Variants in RHBDF1 observed in about 807,000 individuals in gnomAD.
RHBDF1 encodes the protein rhomboid 5 homolog 1.
RHBDF1 carries 80 observed loss-of-function variants against 98.6 expected under a neutral mutation model. That is an observed-to-expected ratio of 0.81 (90% CI 0.68 to 0.98). The LOEUF (loss-of-function observed/expected upper bound fraction) is 0.98, where lower values mean the gene tolerates loss of function less well. Ranked by LOEUF, RHBDF1 falls within the 50% of genes least tolerant of loss-of-function variation. RHBDF1 has a pLI of 0.00. For synonymous variants in RHBDF1, 512 were observed against 486.8 expected (o/e 1.05, Z -0.68); for missense variants, 1,116 against 1,198.3 (o/e 0.93, Z 1.01).
In RHBDF1 at chr16:61,037, G is replaced by C; in HGVS notation, c.1557+83C>G. The C allele has an allele frequency of 2.1e-6, 3 of 1,421,388 alleles. No individual in the cohort carries two copies. In the South Asian group the frequency reaches 4.0e-5, roughly 19 times the overall value. 88.0% of individuals were successfully genotyped at this position (1,421,388 alleles called of 1,614,324 possible). On this transcript the variant is annotated intron_variant, in intron 11 of 17. Coordinates refer to ENST00000262316, the MANE Select transcript of RHBDF1 (RefSeq NM_022450.5). ...GGGATGTGCCAGGAACGAGGGCGAA[G>C]GATCACTCTGCCGAGTCTATCTGAG...
chr16:71,996 C>G (rs1897982672), intron 1 of RHBDF1, among the ~76,000 whole-genome samples: 1 of 151,890 alleles, frequency 6.6e-6, no homozygotes, highest in African/African-American at 2.4e-5. Context: ...CCACCCCCAG[C>G]TCCACGGCTC....
Position 61,941 on chromosome 16 carries a change from A to G in RHBDF1, c.1065T>C (p.Arg355=), listed in dbSNP as rs1330466192. The change falls in exon 8 of 18, where the codon CGT becomes CGC. Residue 355 remains arginine (R), a synonymous_variant. Transcript: ENST00000262316. ...AGAGCTTGCGCACCGGCACCGCGAT[A>G]CGCTGGCCCCGTCGCGGCCCCGCGG... The part of the protein sequence containing the change: ...VSTAGPRRGQ[R]IAVPVRKLFA... The G allele has an allele frequency of 1.3e-6, 2 of 1,598,264 alleles. No homozygotes were observed. The highest frequency in any genetic ancestry group is 1.7e-5 in the Admixed American group (1 of 59,900).
chr16:65,435 G>C (rs77273987), intron 1 of RHBDF1, among the ~76,000 whole-genome samples: 2 of 152,316 alleles, frequency 1.3e-5, no homozygotes, highest in South Asian at 2.1e-4. Flanking sequence ...TGATGGGAGC[G>C]GGGGAAGCAA....
upstream of RHBDF1, among the ~76,000 whole-genome samples, chr16:72,971 G>C (rs1247126071): frequency 6.6e-6 from 1 of 152,120 alleles, no homozygotes; most frequent in Non-Finnish European, 1.5e-5. Flanking sequence ...GTAAAGGGCG[G>C]AGGATGGGTG....
chr16:72,943 AG>A (rs1187691346), upstream of RHBDF1, among the ~76,000 whole-genome samples: 1 of 152,068 alleles, frequency 6.6e-6, no homozygotes, highest in Non-Finnish European at 1.5e-5. Context: ...GAGGGTGAGG[AG>A]GGAGAGCAGG....
chr16:64,171 C>G lies in RHBDF1; in HGVS notation c.249-371G>C. 1.4e-5 allele frequency: 15 copies of G among 1,058,276 alleles called. No individual in the cohort carries two copies. The South Asian group carries it at 2.0e-4, about 14-fold the overall frequency. The allele number at this position is 1,058,276 out of a possible 1,614,324, so 65.6% of individuals were successfully genotyped here. On this transcript the variant is annotated intron_variant, in intron 3 of 17. Coordinates refer to ENST00000262316, the MANE Select transcript of RHBDF1 (RefSeq NM_022450.5). ...GCTCAGACAGCAGGTGCTTACGGGC[C>G]CAGGCAGGCTGTCCACAGCACTTGG...
At chr16:63,551 G>A (rs781643320) in intron 4 of RHBDF1, 36 bp downstream of exon 4, 1 of 1,486,544 alleles carries the variant, frequency 6.7e-7, no homozygotes, top group South Asian at 1.3e-5. Flanking sequence ...AGAGCGGAAG[G>A]AGGGGCCTGC....
chr16:63,592 GCATGCCCA>G lies in RHBDF1; in HGVS notation c.449_456del (p.Leu150ProfsTer18). The G allele has an allele frequency of 6.4e-7, 1 of 1,550,636 alleles. No individual in the cohort carries two copies. Among genetic ancestry groups the G allele is most frequent in the Non-Finnish European group, 8.7e-7 (1 of 1,149,090 alleles). ...GCAGCAACAGGCAGGCATACCTTCT[GCATGCCCA>G]GCTGGCATGGCCCCACGTAGAGTGG... On this transcript the variant is annotated frameshift_variant, in exon 4 of 18. Coordinates refer to ENST00000262316, the MANE Select transcript of RHBDF1 (RefSeq NM_022450.5). LOFTEE classifies it high-confidence loss of function.
At chr16:70,517 G>C (rs146677764) in intron 1 of RHBDF1, among the ~76,000 whole-genome samples, 1 of 152,224 alleles carries the variant, frequency 6.6e-6, no homozygotes, top group Non-Finnish European at 1.5e-5. Flanking sequence ...GGCCACAGGA[G>C]GGAAACCAAG....
chr16:63,234 A>C, intron 4 of RHBDF1, 52 bp from the exon 5 acceptor site: 77 of 1,433,376 alleles, frequency 5.4e-5, no homozygotes, highest in Non-Finnish European at 7.0e-5. Context: ...CTCCTAGCTC[A>C]CCCAGAGGCA....
At chr16:75,904 AGT>A (rs1898078324), upstream of RHBDF1, among the ~76,000 whole-genome samples, 1 of 152,140 alleles carries the variant, frequency 6.6e-6, no homozygotes, top group South Asian at 2.1e-4. Flanking sequence ...AGACGGAGCC[AGT>A]GTGCTGGGCA....
intron 10 of RHBDF1, 44 bp from the exon 11 acceptor site, chr16:61,325 CCCCCG>C (rs1214411215): frequency 1.3e-6 from 2 of 1,543,112 alleles, no homozygotes; most frequent in East Asian, 4.9e-5. Flanking sequence ...GGGCCTCCTG[CCCCCG>C]CCGGGCACCT....
At chr16:70,552 T>C (rs1897944195) in intron 1 of RHBDF1, among the ~76,000 whole-genome samples, 1 of 152,250 alleles carries the variant, frequency 6.6e-6, no homozygotes, top group African/African-American at 2.4e-5. Flanking sequence ...GCTTCGGTCC[T>C]CAGCAGCCTG....
At chr16:58,808 C>T (rs554498307) in intron 17 of RHBDF1, 49 bp from the exon 18 acceptor site, 1 of 1,587,700 alleles carries the variant, frequency 6.3e-7, no homozygotes, top group Non-Finnish European at 8.6e-7. Context: ...GGGCAGGCCC[C>T]CTGGACCCAA....
In RHBDF1 at chr16:62,049, G is replaced by T; in HGVS notation, c.957C>A (p.Pro319=). ...SELERSHLML[P]LERGWRKQKE... ...TCTGCTTCCGCCAGCCTCGCTCCAAGGGCCTGGAGGGAGCCGGCATTCACC... is the reference window on the plus strand; with the variant it reads ...TCTGCTTCCGCCAGCCTCGCTCCAATGGCCTGGAGGGAGCCGGCATTCACC... Residue 319 remains proline (P), a synonymous_variant, in exon 8 of 18, where the codon CCC becomes CCA. Transcript: ENST00000262316. 6.9e-7 allele frequency: 1 copy of T among 1,459,532 alleles called. No individual in the cohort carries two copies. The allele number at this position is 1,459,532 out of a possible 1,614,324, so 90.4% of individuals were successfully genotyped here. A position where few individuals can be genotyped will look rare whatever the true frequency, so the allele number is the denominator to read the frequency against.
At chr16:70,467 C>T (rs906927008) in intron 1 of RHBDF1, among the ~76,000 whole-genome samples, 2 of 152,184 alleles carry the variant, frequency 1.3e-5, no homozygotes, top group African/African-American at 4.8e-5. Context: ...ACCCTGCAAC[C>T]CCCTCCCAGG....
chr16:74,067 A>AG (rs1425998801), upstream of RHBDF1: 6 of 426,802 alleles, frequency 1.4e-5, no homozygotes, highest in Non-Finnish European at 1.3e-5. Flanking sequence ...GAAGCTTTGG[A>AG]GGGGGTGGAG....
intron 3 of RHBDF1, chr16:64,194 T>C: frequency 8.0e-7 from 1 of 1,243,244 alleles, no homozygotes; most frequent in Non-Finnish European, 1.1e-6. Context: ...CCACAGCACT[T>C]GGACATGCAA....
chr16:71,828 G>T (rs1039252455), intron 1 of RHBDF1, among the ~76,000 whole-genome samples: 6 of 152,368 alleles, frequency 3.9e-5, no homozygotes, highest in Non-Finnish European at 8.8e-5. Context: ...AGCATCTGGG[G>T]TCTGGCTGTC....
Sources: allele counts gnomAD v4.1 joint callset (sites outside exome capture counted in the v4.1 genomes callset), GRCh38; gene constraint gnomAD v4.1.1; transcripts MANE v1.5; gene names NCBI Gene and HGNC (gene_info 2026-07-23, HGNC 2026-07-21).